The following ACMSD variants were observed in gnomAD, a reference collection of about 807,000 sequenced individuals.
ACMSD encodes 2-amino-3-carboxymuconate-6-semialdehyde decarboxylase.
Under a neutral mutation model 45.9 loss-of-function variants are expected in ACMSD, and 37 were observed. The observed-to-expected ratio is 0.81, with a 90% CI of 0.62 to 1.06. The LOEUF is 1.06. Ranked by LOEUF, ACMSD falls within the 50% of genes least tolerant of loss-of-function variation. The probability of loss-of-function intolerance (pLI) is 0.00; values close to 1 mark genes in which losing one functional copy is unlikely to be tolerated. For missense variants in ACMSD, 434 were observed against 420.9 expected, an observed-to-expected ratio of 1.03 and a Z score of -0.27; for synonymous variants, 138 against 148.8, an observed-to-expected ratio of 0.93 and a Z score of 0.53.
chr2:134,850,326 T>C (rs1687278419), intron 2 of ACMSD, among the ~76,000 whole-genome samples: 1 of 151,138 alleles, frequency 6.6e-6, no homozygotes. Context: ...TGGAGTGCAA[T>C]GGCACCATCT....
intron 8 of ACMSD, among the ~76,000 whole-genome samples, chr2:134,886,246 A>ATTATTATTATTTTTT: frequency 2.6e-5 from 3 of 115,474 alleles, no homozygotes; most frequent in Non-Finnish European, 5.3e-5. Flanking sequence ...TATTATTATT[A>ATTATTATTATTTTTT]TTTTTTTTTT....
intron 7 of ACMSD, 151 bp downstream of exon 7, chr2:134,871,211 G>C: frequency 2.9e-6 from 2 of 678,188 alleles, no homozygotes; most frequent in South Asian, 1.9e-5. Context: ...TCTAGTGAGG[G>C]CTCTCTTCCT....
chr2:134,869,706 G>GTATATATATATATATATATATATA (rs149963659), intron 6 of ACMSD, among the ~76,000 whole-genome samples: 3 of 145,376 alleles, frequency 2.1e-5, no homozygotes, highest in African/African-American at 7.6e-5. Context: ...TTATAAACAA[G>GTATATATATATATATATATATATA]TATATATATA....
At chr2:134,889,557 A>G (rs183829074) in intron 8 of ACMSD, among the ~76,000 whole-genome samples, 11 of 152,352 alleles carry the variant, frequency 7.2e-5, no homozygotes, top group African/African-American at 2.6e-4. Context: ...AAATAACAGA[A>G]TAACAAATAC....
At chr2:134,891,046 G>A (rs1689755114) in intron 8 of ACMSD, among the ~76,000 whole-genome samples, 1 of 151,904 alleles carries the variant, frequency 6.6e-6, no homozygotes, top group Admixed American at 6.6e-5. Context: ...CCCTGTGTCA[G>A]GTATACGGTT....
chr2:134,886,408 C>T (rs536622090), intron 8 of ACMSD, among the ~76,000 whole-genome samples: 1 of 151,758 alleles, frequency 6.6e-6, no homozygotes, highest in South Asian at 2.1e-4. Flanking sequence ...GCCAACACGC[C>T]CGGCTAATTT....
intron 8 of ACMSD, among the ~76,000 whole-genome samples, chr2:134,887,148 A>C (rs908488781): frequency 6.6e-6 from 1 of 152,250 alleles, no homozygotes; most frequent in Non-Finnish European, 1.5e-5. Flanking sequence ...CGATGTTAAG[A>C]TATCAATTCT....
At chr2:134,874,497 G>C (rs1179833034) in intron 8 of ACMSD, among the ~76,000 whole-genome samples, 1 of 152,206 alleles carries the variant, frequency 6.6e-6, no homozygotes, top group Non-Finnish European at 1.5e-5. Context: ...CTGGGCTAGA[G>C]AGCAACCTGG....
At chr2:134,849,529 C>T (rs777635541) in intron 2 of ACMSD, among the ~76,000 whole-genome samples, 13 of 152,168 alleles carry the variant, frequency 8.5e-5, no homozygotes, top group Non-Finnish European at 1.8e-4. Context: ...TTCTTACTCT[C>T]CTATGTTCCT....
At chr2:134,854,908 G>T (rs1687509782) in intron 2 of ACMSD, among the ~76,000 whole-genome samples, 1 of 152,182 alleles carries the variant, frequency 6.6e-6, no homozygotes, top group Non-Finnish European at 1.5e-5. Context: ...TAAACCCAGA[G>T]CTGTCTGAAT....
At chr2:134,887,159 C>T (rs941295988) in intron 8 of ACMSD, among the ~76,000 whole-genome samples, 2 of 152,182 alleles carry the variant, frequency 1.3e-5, no homozygotes, top group Non-Finnish European at 1.5e-5. Context: ...TATCAATTCT[C>T]CTCACATTGA....
intron 8 of ACMSD, among the ~76,000 whole-genome samples, chr2:134,895,358 A>AATAT (rs527577846): frequency 1.4e-5 from 2 of 145,052 alleles, no homozygotes; most frequent in African/African-American, 5.0e-5. Context: ...TAACATATAT[A>AATAT]ATATATATAT....
chr2:134,874,149 G>A lies in ACMSD; in HGVS notation c.849+1508G>A, dbSNP rs16831129. On this transcript the variant is annotated intron_variant, in intron 8 of 9. Coordinates refer to ENST00000356140, the MANE Select transcript of ACMSD (RefSeq NM_138326.3). ...TATGGCAAATGCTTCATGTTAACCA[G>A]TGGATGGACTAGTTGGTGAGCACGT... 0.02 allele frequency among the ~76,000 whole-genome samples: 3,046 copies of A among 152,282 alleles called. 217 individuals carry two copies. The East Asian group carries it at 0.28, about 14-fold the overall frequency.
At chr2:134,877,577 G>A (rs111801140) in intron 8 of ACMSD, 2,838 of 152,452 alleles carry the variant, frequency 0.019, 93 homozygotes, top group African/African-American at 0.065. Flanking sequence ...CTCTCCAGGT[G>A]CACCTCTTCA....
chr2:134,854,716 G>A (rs190259684), intron 2 of ACMSD, among the ~76,000 whole-genome samples: 1 of 152,342 alleles, frequency 6.6e-6, no homozygotes. Flanking sequence ...TCTACCTCAA[G>A]AAAGCAGAAT....
intron 8 of ACMSD, among the ~76,000 whole-genome samples, chr2:134,892,961 G>A (rs1260680242): frequency 6.6e-6 from 1 of 152,172 alleles, no homozygotes; most frequent in African/African-American, 2.4e-5. Flanking sequence ...GAGACTGACT[G>A]CCCAAGCAGC....
chr2:134,864,824 A>G (rs1688021402), intron 5 of ACMSD, among the ~76,000 whole-genome samples: 1 of 152,150 alleles, frequency 6.6e-6, no homozygotes, highest in African/African-American at 2.4e-5. Context: ...GAAATATCCA[A>G]CTTCAAGTGT....
chr2:134,862,014 A>C lies in ACMSD; in HGVS notation c.245A>C (p.Tyr82Ser). Residue 82 changes from tyrosine (Y) to serine (S), a missense_variant, in exon 4 of 10, where the codon TAC becomes TCC. Tyr to Ser is a moderately radical substitution (Grantham distance 144). Transcript: ENST00000356140. ...ALSTVPVMFS[Y>S]WAKPEDTLNL... The stretch of plus-strand genomic sequence containing the variant: ...TCCACAGTTCCTGTCATGTTTAGCT[A>C]CTGGGTGAGTGTGAAACCTCAAGCC... The C allele has an allele frequency of 6.2e-7, 1 of 1,614,126 alleles. No homozygotes were observed. The highest frequency in any genetic ancestry group is 8.5e-7 in the Non-Finnish European group (1 of 1,180,010).
At position 134,862,027 on chromosome 2, in the gene ACMSD, G is replaced by A. The variant is rs766298298; in HGVS notation, c.249+9G>A. On this transcript the variant is annotated intron_variant, in intron 4 of 9. Transcript: ENST00000356140. ...TCATGTTTAGCTACTGGGTGAGTGT[G>A]AAACCTCAAGCCATCTCCTTGGTGT... is the stretch of plus-strand genomic sequence containing the variant. 40 of 1,614,004 alleles carry A rather than the reference G, an allele frequency of 2.5e-5. No individual in the cohort carries two copies. The South Asian group carries it at 4.0e-4, about 16-fold the overall frequency.
Sources: gnomAD v4.1 joint callset for allele counts (sites outside exome capture counted in the v4.1 genomes callset) on GRCh38, gnomAD v4.1.1 for gene constraint, MANE v1.5 for transcripts, NCBI Gene and HGNC (gene_info 2026-07-23, HGNC 2026-07-21) for gene names.